The following TIGAR variants were observed in gnomAD, a reference collection of about 807,000 sequenced individuals.
The protein encoded by TIGAR is fructose-2,6-bisphosphatase TIGAR.
TIGAR carries 7 observed loss-of-function variants against 17.9 expected under a neutral mutation model. The observed-to-expected ratio is 0.39, with a 90% CI of 0.22 to 0.73. The LOEUF is 0.73. Among genes scored for constraint, TIGAR ranks in the 30% least tolerant of loss-of-function variants. The pLI is 0.42. For missense variants in TIGAR, 258 were observed against 327.4 expected (o/e 0.79, Z 1.64); for synonymous variants, 94 against 108.6 (o/e 0.87, Z 0.84).
intron 3 of TIGAR, among the ~76,000 whole-genome samples, chr12:4,337,795 A>G (rs1165703189): frequency 2.6e-5 from 4 of 152,296 alleles, no homozygotes; most frequent in African/African-American, 9.6e-5. Context: ...TAAAGAAATA[A>G]AAGACTTGTT....
intron 2 of TIGAR, among the ~76,000 whole-genome samples, chr12:4,333,550 C>T (rs1342128248): frequency 6.6e-6 from 1 of 152,162 alleles, no homozygotes; most frequent in Non-Finnish European, 1.5e-5. Flanking sequence ...GCTCCTGCAA[C>T]CTCCACCTCC....
rs1179834594 is a variant in TIGAR, at chr12:4,357,820, G to A, written c.*5129G>A. On this transcript the variant is annotated 3_prime_UTR_variant, in exon 6 of 6. Transcript: ENST00000179259. ...ATTTTGTGACCAAGCAATCGCTGAG[G>A]TGGCTGGGCGTGGTGGCTCGCACCT... Among the ~76,000 whole-genome samples, 1 of 151,488 alleles carries A rather than the reference G, an allele frequency of 6.6e-6. No individual in the cohort carries two copies. The highest frequency in any genetic ancestry group is 6.6e-5 in the Admixed American group (1 of 15,224).
Position 4,353,007 on chromosome 12 carries a change from C to G in TIGAR, c.*316C>G, listed in dbSNP as rs1026851132. The stretch of plus-strand genomic sequence containing the variant: ...AACCTTGTTACAACGGTTTCTTTTT[C>G]ATTTTAGCCTATTTTAATGGCTATT... On this transcript the variant is annotated 3_prime_UTR_variant, in exon 6 of 6. Transcript: ENST00000179259. 1 of 278,898 alleles carries G rather than the reference C, an allele frequency of 3.6e-6. No individual in the cohort carries two copies. The highest frequency in any genetic ancestry group is 6.7e-6 in the Non-Finnish European group (1 of 148,388). The allele number at this position is 278,898 out of a possible 1,614,324, so 17.3% of individuals were successfully genotyped here.
rs571465979 is a variant in TIGAR at position 4,331,059 on chromosome 12, G to A, written c.33-221G>A. On this transcript the variant is annotated intron_variant, in intron 1 of 5. Coordinates refer to ENST00000179259, the MANE Select transcript of TIGAR (RefSeq NM_020375.3). ...CTTAAGATTGGTTCCTGATCTACAC[G>A]TTTTAGTTTGGAGTAGTTTGAAATT... is the stretch of plus-strand genomic sequence containing the variant. 1.2e-4 allele frequency among the ~76,000 whole-genome samples: 19 copies of A among 152,270 alleles called. No individual in the cohort carries two copies. The East Asian group carries it at 2.5e-3, about 20-fold the overall frequency.
intron 3 of TIGAR, among the ~76,000 whole-genome samples, chr12:4,343,047 C>T (rs1465741866): frequency 1.3e-5 from 2 of 152,010 alleles, no homozygotes; most frequent in African/African-American, 2.4e-5. Context: ...GGAAGATCTA[C>T]CAAGCAAATG....
chr12:4,330,292 A>G (rs909801434), intron 1 of TIGAR, among the ~76,000 whole-genome samples: 7 of 152,226 alleles, frequency 4.6e-5, no homozygotes, highest in East Asian at 1.9e-4. Context: ...TTAAAGTGAG[A>G]TGAATTGTTC....
At chr12:4,328,872 G>C (rs1864574857) in intron 1 of TIGAR, among the ~76,000 whole-genome samples, 1 of 152,170 alleles carries the variant, frequency 6.6e-6, no homozygotes, top group Non-Finnish European at 1.5e-5. Flanking sequence ...ACCGTGCCTG[G>C]CCAGTTCTGT....
rs116794839 is a variant in TIGAR, at chr12:4,356,660, A to G, written c.*3969A>G. Among the ~76,000 whole-genome samples, 56 of 152,304 alleles carry G rather than the reference A, an allele frequency of 3.7e-4. No homozygotes were observed. The highest frequency in any genetic ancestry group is 1.3e-3 in the African/African-American group (54 of 41,564). ...ATGATCTGTGGGTTTGGACAAACGT[A>G]TGAAGACATGTATTCCACCATTATA... On this transcript the variant is annotated 3_prime_UTR_variant, in exon 6 of 6. Coordinates refer to ENST00000179259, the MANE Select transcript of TIGAR (RefSeq NM_020375.3).
intron 2 of TIGAR, 83 bp from the exon 3 acceptor site, chr12:4,336,956 C>CT (rs1313104806): frequency 7.4e-7 from 1 of 1,343,374 alleles, no homozygotes; most frequent in Non-Finnish European, 9.8e-7. Context: ...TAGATAAATG[C>CT]AGCTTATATT....
intron 3 of TIGAR, among the ~76,000 whole-genome samples, chr12:4,337,602 A>C (rs1864674059): frequency 6.6e-6 from 1 of 152,218 alleles, no homozygotes; most frequent in Non-Finnish European, 1.5e-5. Context: ...TATTTATTTT[A>C]ATTTTATTTT....
chr12:4,328,296 A>G (rs557897230), intron 1 of TIGAR, among the ~76,000 whole-genome samples: 1 of 151,690 alleles, frequency 6.6e-6, no homozygotes, highest in Non-Finnish European at 1.5e-5. Flanking sequence ...GGTTCAAGTC[A>G]TTCTCCTGCC....
In TIGAR at chr12:4,327,214, G is replaced by A. The variant is rs182572344; in HGVS notation, c.33-4066G>A. Reference sequence around the variant, plus strand: ...ACCTTAGGTCAGGAGTTAGAGACCAGCCTGGCCAACATGGTGAAACCATGT... The same window carrying A: ...ACCTTAGGTCAGGAGTTAGAGACCAACCTGGCCAACATGGTGAAACCATGT... On this transcript the variant is annotated intron_variant, in intron 1 of 5. Transcript: ENST00000179259. Among the ~76,000 whole-genome samples the A allele has an allele frequency of 5.6e-3, 852 of 152,208 alleles. 3 individuals are homozygous for A. The highest frequency in any genetic ancestry group is 7.9e-3 in the Non-Finnish European group (537 of 67,996).
At chr12:4,328,335 G>T (rs964573387) in intron 1 of TIGAR, among the ~76,000 whole-genome samples, 1 of 151,626 alleles carries the variant, frequency 6.6e-6, no homozygotes, top group Non-Finnish European at 1.5e-5. Flanking sequence ...GGGATTACAG[G>T]TGCCTGCCAC....
In TIGAR at chr12:4,325,196, C is replaced by A. The variant is rs1864530787; in HGVS notation, c.32+3893C>A. Among the ~76,000 whole-genome samples, 3 of 152,112 alleles carry A rather than the reference C, an allele frequency of 2.0e-5. No homozygotes were observed. In the South Asian group the frequency reaches 6.2e-4, roughly 32 times the overall value. ...ACCTCTGGTGATCCGCCTGCCTCGG[C>A]CTCCCAAAGTGTTGGGATTACAGGC... On this transcript the variant is annotated intron_variant, in intron 1 of 5. Transcript: ENST00000179259.
intron 3 of TIGAR, among the ~76,000 whole-genome samples, chr12:4,348,414 C>T (rs532996741): frequency 1.4e-4 from 22 of 152,212 alleles, no homozygotes; most frequent in African/African-American, 5.3e-4. Context: ...AGGAAAAAAC[C>T]ATCCTTTATT....
chr12:4,344,367 A>G (rs938779877), intron 3 of TIGAR, among the ~76,000 whole-genome samples: 3 of 152,208 alleles, frequency 2.0e-5, no homozygotes, highest in Non-Finnish European at 4.4e-5. Flanking sequence ...ATCCTCCCTA[A>G]CTCATTTTAT....
chr12:4,337,201 T>C (rs765207337), intron 3 of TIGAR, 41 bp downstream of exon 3: 1 of 1,509,392 alleles, frequency 6.6e-7, no homozygotes, highest in Non-Finnish European at 9.1e-7. Flanking sequence ...AGAGCGTCAC[T>C]CTATGCCCAG....
intron 1 of TIGAR, among the ~76,000 whole-genome samples, chr12:4,323,369 C>A (rs975324965): frequency 1.3e-5 from 2 of 152,152 alleles, no homozygotes; most frequent in African/African-American, 4.8e-5. Context: ...TCCTAATAGA[C>A]AATAGTCATA....
Position 4,330,256 on chromosome 12 carries a change from C to T in TIGAR, c.33-1024C>T, listed in dbSNP as rs969871990. On this transcript the variant is annotated intron_variant, in intron 1 of 5. Transcript: ENST00000179259. Reference sequence around the variant, plus strand: ...AAACAATGGAGCGATCATTTTCCATCGAAATCAAGGAAATGCAAATTAAAA... The same window carrying T: ...AAACAATGGAGCGATCATTTTCCATTGAAATCAAGGAAATGCAAATTAAAA... 1.1e-4 allele frequency among the ~76,000 whole-genome samples: 17 copies of T among 152,190 alleles called. 1 individual carries two copies. The East Asian group carries it at 1.7e-3, about 16-fold the overall frequency.
Sources: allele counts gnomAD v4.1 joint callset (sites outside exome capture counted in the v4.1 genomes callset), GRCh38; gene constraint gnomAD v4.1.1; transcripts MANE v1.5; gene names NCBI Gene and HGNC (gene_info 2026-07-23, HGNC 2026-07-21).